The following MAGI2 variants were observed in gnomAD, a reference collection of about 807,000 sequenced individuals.
The protein encoded by MAGI2 is membrane-associated guanylate kinase, WW and PDZ domain-containing protein 2.
MAGI2 carries 35 observed loss-of-function variants against 133.3 expected under a neutral mutation model. The observed-to-expected ratio is 0.26, with a 90% confidence interval of 0.20 to 0.35. The LOEUF (loss-of-function observed/expected upper bound fraction) is 0.35, where lower values mean the gene tolerates loss of function less well. Among genes scored for constraint, MAGI2 ranks in the 10% least tolerant of loss-of-function variants. The pLI is 1.00. For synonymous variants in MAGI2, 729 were observed against 710.6 expected (o/e 1.03, Z -0.41); for missense variants, 1,636 against 1,863.4 (o/e 0.88, Z 2.25).
chr7:79,248,583 C>T (rs571973740), intron 1 of MAGI2, among the ~76,000 whole-genome samples: 5 of 152,212 alleles, frequency 3.3e-5, no homozygotes, highest in African/African-American at 1.2e-4. Context: ...CTCCTTAGTA[C>T]ATGGATCATT....
chr7:78,782,466 A>G (rs1826476966), intron 2 of MAGI2, among the ~76,000 whole-genome samples: 1 of 152,110 alleles, frequency 6.6e-6, no homozygotes, highest in African/African-American at 2.4e-5. Flanking sequence ...GGAATCCTTG[A>G]CAGAAACTGA....
At chr7:78,638,100 G>A (rs910831020) in intron 2 of MAGI2, among the ~76,000 whole-genome samples, 6 of 151,384 alleles carry the variant, frequency 4.0e-5, no homozygotes, top group Non-Finnish European at 7.4e-5. Flanking sequence ...AAAAAAAAAA[G>A]AAAGCTGAAC....
intron 1 of MAGI2, among the ~76,000 whole-genome samples, chr7:79,089,804 G>C (rs1421597755): frequency 2.0e-5 from 3 of 152,102 alleles, no homozygotes; most frequent in South Asian, 4.2e-4. Context: ...GAGAACACAT[G>C]GTCACAGGGA....
intron 3 of MAGI2, among the ~76,000 whole-genome samples, chr7:78,533,260 G>C (rs192369733): frequency 1.3e-5 from 2 of 152,312 alleles, no homozygotes; most frequent in East Asian, 3.9e-4. Context: ...ATTATGAAGT[G>C]TCACAAATAA....
chr7:78,620,012 T>A (rs760875430), intron 3 of MAGI2, among the ~76,000 whole-genome samples: 1 of 151,900 alleles, frequency 6.6e-6, no homozygotes, highest in Non-Finnish European at 1.5e-5. Context: ...CCTTTTAACT[T>A]TAAGTGCCAA....
chr7:78,963,899 G>A lies in MAGI2; in HGVS notation c.418+43191C>T, dbSNP rs1349229153. On this transcript the variant is annotated intron_variant, in intron 2 of 21. Coordinates refer to ENST00000354212, the MANE Select transcript of MAGI2 (RefSeq NM_012301.4). ...AAAATGTGGTGATTTTCGAACTCAG[G>A]GTTTTTTAATTTTGGTTTGCTGCAC... is the stretch of plus-strand genomic sequence containing the variant. 2.0e-5 allele frequency among the ~76,000 whole-genome samples: 3 copies of A among 151,940 alleles called. No individual in the cohort carries two copies. The East Asian group carries it at 5.8e-4, about 29-fold the overall frequency.
intron 2 of MAGI2, among the ~76,000 whole-genome samples, chr7:78,782,526 A>G (rs1826481928): frequency 6.6e-6 from 1 of 152,184 alleles, no homozygotes; most frequent in African/African-American, 2.4e-5. Flanking sequence ...CCCCTAGGGC[A>G]TAACTGAACC....
chr7:79,249,860 G>A (rs754821935), intron 1 of MAGI2, among the ~76,000 whole-genome samples: 5 of 151,948 alleles, frequency 3.3e-5, no homozygotes, highest in African/African-American at 4.8e-5. Context: ...GAAACTTAAG[G>A]TCCAGTATCT....
At chr7:78,564,856 G>C (rs111623154) in intron 3 of MAGI2, among the ~76,000 whole-genome samples, 15,949 of 132,374 alleles carry the variant, frequency 0.12, 1,118 homozygotes, top group Middle Eastern at 0.18. Flanking sequence ...TGCAGTGGCA[G>C]GATCTCTGCT....
rs557181927 is a variant in MAGI2 at position 78,123,226 on chromosome 7, A to G, written c.3567+2468T>C. Among the ~76,000 whole-genome samples the G allele has an allele frequency of 2.2e-3, 331 of 152,264 alleles. 2 individuals carry two copies. The highest frequency in any genetic ancestry group is 3.5e-3 in the Non-Finnish European group (238 of 68,022). On this transcript the variant is annotated intron_variant, in intron 20 of 21. Coordinates refer to ENST00000354212, the MANE Select transcript of MAGI2 (RefSeq NM_012301.4). ...CAGTATTAACTGATGTTGAAAAACC[A>G]TCTAGTATAATAATTAAAGTCAAAA...
chr7:78,379,682 G>A (rs920527697), intron 6 of MAGI2, among the ~76,000 whole-genome samples: 5 of 151,926 alleles, frequency 3.3e-5, no homozygotes, highest in Non-Finnish European at 5.9e-5. Flanking sequence ...GGCAGATCTT[G>A]TGGCTCTTAC....
At chr7:78,729,265 T>C (rs1821135390) in intron 2 of MAGI2, among the ~76,000 whole-genome samples, 1 of 152,222 alleles carries the variant, frequency 6.6e-6, no homozygotes, top group Non-Finnish European at 1.5e-5. Flanking sequence ...AAAGTTAAGA[T>C]AAATTACAAA....
chr7:78,436,531 C>T (rs1053493736), intron 6 of MAGI2, among the ~76,000 whole-genome samples: 1 of 152,180 alleles, frequency 6.6e-6, no homozygotes, highest in Admixed American at 6.6e-5. Context: ...AACTTTCATG[C>T]TCATTGCTAA....
intron 1 of MAGI2, among the ~76,000 whole-genome samples, chr7:79,217,899 T>C (rs768297847): frequency 5.9e-5 from 9 of 151,976 alleles, no homozygotes; most frequent in Non-Finnish European, 1.2e-4. Context: ...CCTTTGCTAA[T>C]ATGATAAATT....
intron 1 of MAGI2, among the ~76,000 whole-genome samples, chr7:79,216,074 C>T (rs181123678): frequency 5.3e-5 from 8 of 151,966 alleles, no homozygotes; most frequent in Admixed American, 3.3e-4. Context: ...CACCACATCC[C>T]TCTATCCTGT....
At chr7:78,309,340 T>C (rs798282) in intron 9 of MAGI2, among the ~76,000 whole-genome samples, 76,470 of 152,152 alleles carry the variant, frequency 0.5, 19,669 homozygotes, top group Middle Eastern at 0.59. Flanking sequence ...ATATACACCA[T>C]GGAATACTAT....
chr7:79,093,429 CTTT>C (rs967270664), intron 1 of MAGI2, among the ~76,000 whole-genome samples: 2 of 152,150 alleles, frequency 1.3e-5, no homozygotes, highest in African/African-American at 4.8e-5. Context: ...AGTCACATAA[CTTT>C]TTTGTTTCCC....
rs899617802 is a variant in MAGI2 at position 79,169,998 on chromosome 7, T to C, written c.302-162792A>G. ...ATTGATGTTTATTCAAAATTCAATT[T>C]CCCTTAATTTGGAAGACAAATAACT... On this transcript the variant is annotated intron_variant, in intron 1 of 21. Transcript: ENST00000354212. Among the ~76,000 whole-genome samples, 30 of 151,952 alleles carry C rather than the reference T, an allele frequency of 2.0e-4. 1 individual carries two copies. The highest frequency in any genetic ancestry group is 1.2e-4 in the Non-Finnish European group (8 of 67,974).
intron 14 of MAGI2, among the ~76,000 whole-genome samples, chr7:78,174,202 G>C (rs1411819781): frequency 6.6e-6 from 1 of 152,140 alleles, no homozygotes; most frequent in Non-Finnish European, 1.5e-5. Flanking sequence ...TACCAGGCTA[G>C]GCTTGGAACA....
Sources: gnomAD v4.1 joint callset for allele counts (sites outside exome capture counted in the v4.1 genomes callset) on GRCh38, gnomAD v4.1.1 for gene constraint, MANE v1.5 for transcripts, NCBI Gene and HGNC (gene_info 2026-07-23, HGNC 2026-07-21) for gene names.